The following FAM149A variants were observed in gnomAD, a reference collection of about 807,000 sequenced individuals.
FAM149A encodes the protein family with sequence similarity 149 member A.
A neutral mutation model predicts 78.2 loss-of-function variants in FAM149A; 71 were observed. The ratio of observed to expected loss-of-function variants is 0.91; its 90% CI spans 0.75 to 1.11. The LOEUF (loss-of-function observed/expected upper bound fraction) is 1.11, where lower values mean the gene tolerates loss of function less well. Among genes scored for constraint, FAM149A ranks in the 50% least tolerant of loss-of-function variants. The probability of loss-of-function intolerance (pLI) is 0.00; values close to 1 mark genes in which losing one functional copy is unlikely to be tolerated. For missense variants in FAM149A, 1,036 were observed against 971.0 expected (o/e 1.07, Z -0.89); for synonymous variants, 446 against 410.5 (o/e 1.09, Z -1.04).
rs2099311644 is a variant in FAM149A at position 186,112,322 on chromosome 4, T to C, written c.566+6680T>C. On this transcript the variant is annotated intron_variant, in intron 1 of 13. Coordinates refer to ENST00000389354, the MANE Select transcript of FAM149A (RefSeq NM_001367768.3). ...CTGAGACAGTGGGGTTTTCTAGATA[T>C]ACAATCATGTCGTCTGCAAACAGGG... Among the ~76,000 whole-genome samples the C allele has an allele frequency of 3.4e-5, 5 of 147,038 alleles. No individual in the cohort carries two copies. The South Asian group carries it at 1.1e-3, about 32-fold the overall frequency.
At chr4:186,150,982 G>A (rs939600847) in intron 3 of FAM149A, 85 of 976,188 alleles carry the variant, frequency 8.7e-5, no homozygotes, top group Non-Finnish European at 9.6e-5. Flanking sequence ...GGCCTCCCAT[G>A]GCATGAGCCA....
intron 8 of FAM149A, among the ~76,000 whole-genome samples, chr4:186,161,944 A>G (rs940496183): frequency 6.6e-6 from 1 of 152,242 alleles, no homozygotes; most frequent in African/African-American, 2.4e-5. Flanking sequence ...ATACATGTGC[A>G]GAATGTGCAG....
At chr4:186,123,109 T>C in intron 1 of FAM149A, 1 of 447,992 alleles carries the variant, frequency 2.2e-6, no homozygotes. Context: ...TCATAGGCCA[T>C]GCCTCTGCAT....
chr4:186,125,895 C>T, intron 1 of FAM149A: 1 of 985,328 alleles, frequency 1.0e-6, no homozygotes. Flanking sequence ...ACGAGTGTGG[C>T]ACCCTCTCTG....
At chr4:186,124,979 C>T (rs2099317690) in intron 1 of FAM149A, among the ~76,000 whole-genome samples, 1 of 152,172 alleles carries the variant, frequency 6.6e-6, no homozygotes, top group Non-Finnish European at 1.5e-5. Flanking sequence ...GACGGTATCT[C>T]GTTGTGGTTT....
chr4:186,154,539 CAG>C lies in FAM149A; in HGVS notation c.1131_1132del (p.Val379CysfsTer2), dbSNP rs755105236. 13 of 1,614,150 alleles carry C rather than the reference CAG, an allele frequency of 8.1e-6. No individual in the cohort carries two copies. The highest frequency in any genetic ancestry group is 1.1e-5 in the Non-Finnish European group (13 of 1,180,008). ...TCTGCCCTGCCAGGCCCTGATGACA[CAG>C]GGGTTGCTGACCTAACGGCACGTTC... On this transcript the variant is annotated frameshift_variant, in exon 6 of 14. Coordinates refer to ENST00000389354, the MANE Select transcript of FAM149A (RefSeq NM_001367768.3). LOFTEE classifies it high-confidence loss of function.
intron 1 of FAM149A, among the ~76,000 whole-genome samples, chr4:186,108,264 A>G (rs1475521708): frequency 6.6e-6 from 1 of 152,220 alleles, no homozygotes; most frequent in Non-Finnish European, 1.5e-5. Context: ...GTGAATACAT[A>G]TAAAGGAAAC....
Position 186,136,936 on chromosome 4 carries a change from A to ATCTC in FAM149A, c.567-12213_567-12210dup, listed in dbSNP as rs142934788. On this transcript the variant is annotated intron_variant, in intron 1 of 13. Coordinates refer to ENST00000389354, the MANE Select transcript of FAM149A (RefSeq NM_001367768.3). The stretch of plus-strand genomic sequence containing the variant: ...TTGTGAAGCTCAAATACACTGATTG[A>ATCTC]TCTCTCTCTCTCTCTCTCTCTCTCT... Among the ~76,000 whole-genome samples, 153 of 88,042 alleles carry ATCTC rather than the reference A, an allele frequency of 1.7e-3. 1 individual carries two copies. The highest frequency in any genetic ancestry group is 2.6e-3 in the South Asian group (7 of 2,722). The allele number at this position is 88,042 out of a possible 152,430, so 57.8% of individuals were successfully genotyped here. A position where few individuals can be genotyped will look rare whatever the true frequency, so the allele number is the denominator to read the frequency against.
rs902043620 is a variant in FAM149A at position 186,174,324 on chromosome 4, C to T, written c.*2337C>T. Among the ~76,000 whole-genome samples, 10 of 110,490 alleles carry T rather than the reference C, an allele frequency of 9.1e-5. 3 individuals are homozygous for T. The highest frequency in any genetic ancestry group is 2.0e-4 in the Non-Finnish European group (9 of 44,074). 72.5% of individuals were successfully genotyped at this position (110,490 alleles called of 152,430 possible). On this transcript the variant is annotated 3_prime_UTR_variant, in exon 14 of 14. Coordinates refer to ENST00000389354, the MANE Select transcript of FAM149A (RefSeq NM_001367768.3). Reference sequence around the variant, plus strand: ...TTTAGCTCCCACTTAGAAGTGAGAACGGATGGCATTTGTTTTTCTGTTTCT... The same window carrying T: ...TTTAGCTCCCACTTAGAAGTGAGAATGGATGGCATTTGTTTTTCTGTTTCT...
intron 1 of FAM149A, chr4:186,133,172 G>A (rs994839712): frequency 1.0e-6 from 1 of 985,242 alleles, no homozygotes; most frequent in African/African-American, 1.7e-5. Context: ...TGCAAGCTGG[G>A]AGGTGATTTT....
intron 1 of FAM149A, among the ~76,000 whole-genome samples, chr4:186,122,505 G>A (rs930504447): frequency 1.3e-5 from 2 of 152,162 alleles, no homozygotes; most frequent in African/African-American, 4.8e-5. Flanking sequence ...GTAAGGTAGG[G>A]ATCAGTAGAG....
At chr4:186,124,473 C>A (rs1224277843) in intron 1 of FAM149A, among the ~76,000 whole-genome samples, 1 of 139,860 alleles carries the variant, frequency 7.2e-6, no homozygotes, top group East Asian at 2.4e-4. Flanking sequence ...TCCATGTGTT[C>A]TCATTGTTCA....
At chr4:186,162,802 T>C in intron 8 of FAM149A, 43 bp from the exon 9 acceptor site, 1 of 1,096,628 alleles carries the variant, frequency 9.1e-7, no homozygotes, top group Non-Finnish European at 1.3e-6. Flanking sequence ...CACTGGGCAT[T>C]TGTAATTCTT....
rs765133027 is a variant in FAM149A at position 186,154,567 on chromosome 4, A to G, written c.1158A>G (p.Ser386=). 14 of 1,614,098 alleles carry G rather than the reference A, an allele frequency of 8.7e-6. No homozygotes were observed. Among genetic ancestry groups the G allele is most frequent in the Middle Eastern group, 1.6e-4 (1 of 6,084 alleles). Residue 386 remains serine (S), a synonymous_variant, in exon 6 of 14, where the codon TCA becomes TCG. Transcript: ENST00000389354. Reference sequence around the variant, plus strand: ...GGGTTGCTGACCTAACGGCACGTTCATCCCTGGAAGAAGAGGTTTACCATG... The same window carrying G: ...GGGTTGCTGACCTAACGGCACGTTCGTCCCTGGAAGAAGAGGTTTACCATG...
At chr4:186,141,836 C>G (rs76448359) in intron 1 of FAM149A, among the ~76,000 whole-genome samples, 6 of 152,140 alleles carry the variant, frequency 3.9e-5, no homozygotes, top group Non-Finnish European at 8.8e-5. Flanking sequence ...AATTGGCCCC[C>G]GGCAGTCTCA....
At chr4:186,162,768 G>A (rs1734704413) in intron 8 of FAM149A, 77 bp from the exon 9 acceptor site, 1 of 749,848 alleles carries the variant, frequency 1.3e-6, no homozygotes, top group African/African-American at 1.8e-5. Flanking sequence ...GCTGATTTCG[G>A]ACAAGCATCA....
chr4:186,165,585 A>G (rs1208876279), intron 11 of FAM149A, 121 bp downstream of exon 11: 17 of 932,622 alleles, frequency 1.8e-5, no homozygotes, highest in Non-Finnish European at 2.7e-5. Flanking sequence ...GCTGTATTCA[A>G]ATGCCTTCAT....
rs115903325 is a variant in FAM149A at position 186,105,719 on chromosome 4, G to A, written c.566+77G>A. The A allele has an allele frequency of 5.3e-4, 493 of 930,312 alleles. 1 individual carries two copies. In the African/African-American group the frequency reaches 8.4e-3, roughly 16 times the overall value. 57.6% of individuals were successfully genotyped at this position (930,312 alleles called of 1,614,324 possible). On this transcript the variant is annotated intron_variant, in intron 1 of 13. Transcript: ENST00000389354. ...CCCTCCGCCTGCCGCACTCACCTTC[G>A]CAGGTGCACTTCAGGAAATGAAATA...
chr4:186,155,941 G>A, intron 6 of FAM149A, 59 bp from the exon 7 acceptor site: 2 of 1,399,122 alleles, frequency 1.4e-6, no homozygotes, highest in Non-Finnish European at 2.0e-6. Flanking sequence ...TGTGTAGATA[G>A]AATTATTTTA....
Sources: allele counts gnomAD v4.1 joint callset (sites outside exome capture counted in the v4.1 genomes callset), GRCh38; gene constraint gnomAD v4.1.1; transcripts MANE v1.5; gene names NCBI Gene and HGNC (gene_info 2026-07-23, HGNC 2026-07-21).